Variants in VPS13B observed in about 807,000 individuals in gnomAD.
The protein encoded by VPS13B is vacuolar protein sorting 13 homolog B, also known as intermembrane lipid transfer protein VPS13B.
In VPS13B, 285 loss-of-function variants were observed where a neutral mutation model predicts 426.4. That is an observed-to-expected ratio of 0.67 (90% CI 0.61 to 0.74). The LOEUF (loss-of-function observed/expected upper bound fraction) is 0.74. VPS13B is among the 30% of genes least tolerant of loss of function. The probability of loss-of-function intolerance (pLI) is 0.00; values close to 1 mark genes in which losing one functional copy is unlikely to be tolerated. For synonymous variants in VPS13B, 1,676 were observed against 1,676.4 expected (o/e 1.00, Z 0.01); for missense variants, 4,537 against 4,782.6 (o/e 0.95, Z 1.51).
At chr8:99,865,759 C>T (rs747021913) in intron 58 of VPS13B, among the ~76,000 whole-genome samples, 5 of 152,202 alleles carry the variant, frequency 3.3e-5, no homozygotes, top group Non-Finnish European at 5.9e-5. Context: ...CGAGCTGTGG[C>T]GTGGTATCCC....
At chr8:99,874,032 T>G (rs1413997032) in intron 61 of VPS13B, among the ~76,000 whole-genome samples, 7 of 152,242 alleles carry the variant, frequency 4.6e-5, no homozygotes, top group Admixed American at 4.6e-4. Flanking sequence ...GATTGAGATT[T>G]ATTTTTTAAG....
intron 55 of VPS13B, among the ~76,000 whole-genome samples, chr8:99,851,095 A>G (rs946756031): frequency 6.6e-6 from 1 of 152,264 alleles, no homozygotes; most frequent in Non-Finnish European, 1.5e-5. Context: ...TAGCATAACA[A>G]AATTGAAGAC....
chr8:99,507,801 T>C, intron 28 of VPS13B: 1 of 1,614,074 alleles, frequency 6.2e-7, no homozygotes, highest in Non-Finnish European at 8.5e-7. Context: ...TTTGGGGCAA[T>C]GTGGAGGTGT....
intron 33 of VPS13B, among the ~76,000 whole-genome samples, chr8:99,608,795 A>G (rs13256306): frequency 0.26 from 39,703 of 151,990 alleles, 6,390 homozygotes; most frequent in South Asian, 0.54. Context: ...TGTAATGTCT[A>G]TATTATTCCT....
rs766496663 is a variant in VPS13B, at chr8:99,775,910, A to G, written c.7248-865A>G. Among the ~76,000 whole-genome samples the G allele has an allele frequency of 4.5e-4, 68 of 152,184 alleles. 1 individual carries two copies. The highest frequency in any genetic ancestry group is 3.2e-3 in the Middle Eastern group (1 of 316). ...AAAAGTAGACTCCATCTCAAAAAAAAAAGAAAAGATTTAACTTGTATAAAA... is the reference window on the plus strand; with the variant it reads ...AAAAGTAGACTCCATCTCAAAAAAAGAAGAAAAGATTTAACTTGTATAAAA... On this transcript the variant is annotated intron_variant, in intron 40 of 61. Transcript: ENST00000357162.
chr8:99,761,837 G>C (rs1336231916), intron 39 of VPS13B, among the ~76,000 whole-genome samples: 1 of 151,812 alleles, frequency 6.6e-6, no homozygotes, highest in East Asian at 1.9e-4. Context: ...TTTATTTTTA[G>C]TTAGTATGGG....
intron 39 of VPS13B, among the ~76,000 whole-genome samples, chr8:99,730,238 AT>A (rs1230530608): frequency 2.0e-5 from 3 of 152,174 alleles, no homozygotes; most frequent in Admixed American, 1.3e-4. Flanking sequence ...CAGATATGAA[AT>A]TCATTGTTGT....
At chr8:99,051,909 A>G (rs548054230) in intron 3 of VPS13B, among the ~76,000 whole-genome samples, 3 of 152,336 alleles carry the variant, frequency 2.0e-5, no homozygotes, top group South Asian at 4.1e-4. Context: ...GAAGTCGCCT[A>G]TCAGCTTAAG....
intron 20 of VPS13B, 146 bp downstream of exon 20, chr8:99,384,463 C>A: frequency 4.4e-6 from 3 of 684,320 alleles, no homozygotes; most frequent in Non-Finnish European, 2.5e-6. Flanking sequence ...CAAACAATTC[C>A]GTTCCCTTAT....
intron 34 of VPS13B, among the ~76,000 whole-genome samples, chr8:99,650,666 A>G (rs1159895402): frequency 6.6e-6 from 1 of 152,210 alleles, no homozygotes; most frequent in Non-Finnish European, 1.5e-5. Context: ...ACAAAATAAT[A>G]CAATTACAAC....
At chr8:99,437,917 T>A (rs2133428329) in intron 22 of VPS13B, among the ~76,000 whole-genome samples, 1 of 152,208 alleles carries the variant, frequency 6.6e-6, no homozygotes, top group Admixed American at 6.5e-5. Flanking sequence ...TGGCTAGAAT[T>A]TACTCCTTTC....
intron 39 of VPS13B, among the ~76,000 whole-genome samples, chr8:99,723,853 A>G (rs1833226819): frequency 6.6e-6 from 1 of 152,226 alleles, no homozygotes. Context: ...ACAGGGTTGT[A>G]ACTACCAGAA....
intron 22 of VPS13B, among the ~76,000 whole-genome samples, chr8:99,440,145 C>T (rs1424300174): frequency 6.6e-6 from 1 of 152,078 alleles, no homozygotes; most frequent in African/African-American, 2.4e-5. Context: ...GAACACGTTG[C>T]TACCAAAACT....
intron 52 of VPS13B, 79 bp from the exon 53 acceptor site, chr8:99,835,118 T>G: frequency 6.3e-7 from 1 of 1,593,012 alleles, no homozygotes; most frequent in South Asian, 1.1e-5. Context: ...GTTGCAAATC[T>G]AAATAAACAT....
At chr8:99,322,080 G>A (rs973564606) in intron 19 of VPS13B, among the ~76,000 whole-genome samples, 15 of 152,182 alleles carry the variant, frequency 9.9e-5, no homozygotes, top group Admixed American at 2.6e-4. Context: ...AAGACCACGT[G>A]TTCCTTTAGT....
intron 20 of VPS13B, among the ~76,000 whole-genome samples, chr8:99,385,012 T>C (rs2133297112): frequency 6.6e-6 from 1 of 152,338 alleles, no homozygotes. Context: ...TTCCTTGTCA[T>C]ATTTAGGTTT....
At chr8:99,705,526 A>G (rs1179284828) in intron 36 of VPS13B, among the ~76,000 whole-genome samples, 1 of 152,112 alleles carries the variant, frequency 6.6e-6, no homozygotes, top group Non-Finnish European at 1.5e-5. Context: ...GACACCCTCA[A>G]GAAAGGAGAT....
In VPS13B at chr8:99,577,501, G is replaced by A. The variant is rs1201956279; in HGVS notation, c.5088G>A (p.Val1696=). The change falls in exon 33 of 62, where the codon GTG becomes GTA. Residue 1696 remains valine, a synonymous_variant. Coordinates refer to ENST00000357162, the MANE Select transcript of VPS13B (RefSeq NM_152564.5). ...CGTTTTTGCTTCAGGAGATTTTAGTGTGTGGCCATTCCTTAGAAGTGAATA... is the reference window on the plus strand; with the variant it reads ...CGTTTTTGCTTCAGGAGATTTTAGTATGTGGCCATTCCTTAGAAGTGAATA... ...PENLHTEEIL[V]CGHSLEVNIT... is the part of the protein sequence containing the mutation. The A allele has an allele frequency of 3.1e-6, 5 of 1,613,652 alleles. No homozygotes were observed. Among genetic ancestry groups the A allele is most frequent in the South Asian group, 2.2e-5 (2 of 91,074 alleles).
intron 21 of VPS13B, among the ~76,000 whole-genome samples, chr8:99,416,717 C>T (rs576075410): frequency 1.3e-5 from 2 of 152,248 alleles, no homozygotes; most frequent in African/African-American, 4.8e-5. Context: ...GATGCCCCAC[C>T]TTGCTTCGGC....
Sources: gnomAD v4.1 joint callset for allele counts (sites outside exome capture counted in the v4.1 genomes callset) on GRCh38, gnomAD v4.1.1 for gene constraint, MANE v1.5 for transcripts, NCBI Gene and HGNC (gene_info 2026-07-23, HGNC 2026-07-21) for gene names.